The following CPED1 variants were observed in gnomAD, a reference collection of about 807,000 sequenced individuals.
CPED1 encodes cadherin-like and PC-esterase domain-containing protein 1.
CPED1 carries 114 observed loss-of-function variants against 128.2 expected under a neutral mutation model. The observed-to-expected ratio is 0.89, with a 90% confidence interval of 0.76 to 1.04. CPED1 has a LOEUF of 1.04. CPED1 is among the 50% of genes least tolerant of loss of function. CPED1 has a pLI of 0.00. For synonymous variants in CPED1, 462 were observed against 426.7 expected (o/e 1.08, Z -1.02); for missense variants, 1,211 against 1,207.1 (o/e 1.00, Z -0.05).
At chr7:121,289,871 T>C (rs1423434362) in intron 22 of CPED1, among the ~76,000 whole-genome samples, 5 of 152,220 alleles carry the variant, frequency 3.3e-5, no homozygotes, top group Non-Finnish European at 5.9e-5. Context: ...GTTTGTTACA[T>C]AGGTATACAT....
intron 11 of CPED1, 83 bp from the exon 12 acceptor site, chr7:121,130,042 A>G: frequency 9.1e-7 from 1 of 1,097,974 alleles, no homozygotes; most frequent in Non-Finnish European, 1.3e-6. Flanking sequence ...TTTTTAAATA[A>G]ATGACTAAGT....
In CPED1 at chr7:121,173,563, G is replaced by A. The variant is rs141032745; in HGVS notation, c.2055+31422G>A. Among the ~76,000 whole-genome samples, 20 of 152,150 alleles carry A rather than the reference G, an allele frequency of 1.3e-4. No individual in the cohort carries two copies. In the East Asian group the frequency reaches 3.9e-3, roughly 29 times the overall value. ...CCATGCATGTTCCTACAAAAGATATGATCTCATTCTTTTTATGGCTGAATA... is the reference window on the plus strand; with the variant it reads ...CCATGCATGTTCCTACAAAAGATATAATCTCATTCTTTTTATGGCTGAATA... On this transcript the variant is annotated intron_variant, in intron 16 of 22. Coordinates refer to ENST00000310396, the MANE Select transcript of CPED1 (RefSeq NM_024913.5).
intron 16 of CPED1, among the ~76,000 whole-genome samples, chr7:121,209,782 A>T (rs1484992415): frequency 6.6e-6 from 1 of 152,056 alleles, no homozygotes; most frequent in African/African-American, 2.4e-5. Context: ...AAGCTTCTGC[A>T]CAACAAAGGA....
chr7:121,171,562 G>A (rs374540655), intron 16 of CPED1, among the ~76,000 whole-genome samples: 3 of 152,178 alleles, frequency 2.0e-5, no homozygotes, highest in East Asian at 3.9e-4. Flanking sequence ...CATCTCCTGA[G>A]CCTGTTCCCC....
intron 18 of CPED1, among the ~76,000 whole-genome samples, chr7:121,251,218 A>T (rs1035444779): frequency 6.6e-6 from 1 of 152,224 alleles, no homozygotes; most frequent in Admixed American, 6.5e-5. Flanking sequence ...CAAAAACCAC[A>T]TGATTATCTC....
chr7:121,038,100 T>G (rs1387681822), intron 3 of CPED1, among the ~76,000 whole-genome samples: 2 of 152,186 alleles, frequency 1.3e-5, no homozygotes, highest in Non-Finnish European at 2.9e-5. Flanking sequence ...CAGTTTGACT[T>G]CCTCTTTGCC....
chr7:121,010,341 T>A (rs781607388), intron 2 of CPED1, among the ~76,000 whole-genome samples: 2 of 152,116 alleles, frequency 1.3e-5, no homozygotes, highest in Non-Finnish European at 2.9e-5. Context: ...ACCCTCCACA[T>A]CCTGGGTTCA....
intron 3 of CPED1, among the ~76,000 whole-genome samples, chr7:121,022,344 A>G (rs1792464936): frequency 6.6e-6 from 1 of 152,020 alleles, no homozygotes; most frequent in Admixed American, 6.6e-5. Flanking sequence ...AACCATAAAT[A>G]TAGTATTACA....
chr7:121,205,959 A>T (rs368173384), intron 16 of CPED1, among the ~76,000 whole-genome samples: 1 of 152,082 alleles, frequency 6.6e-6, no homozygotes, highest in East Asian at 1.9e-4. Context: ...AGTTCATTCC[A>T]TGGACAGGGA....
intron 7 of CPED1, among the ~76,000 whole-genome samples, chr7:121,118,837 G>A (rs897038622): frequency 6.6e-6 from 1 of 152,002 alleles, no homozygotes; most frequent in South Asian, 2.1e-4. Flanking sequence ...GGATGGCCGG[G>A]AGGCATCGCA....
At chr7:121,260,319 A>G (rs1274208821) in intron 18 of CPED1, among the ~76,000 whole-genome samples, 1 of 145,594 alleles carries the variant, frequency 6.9e-6, no homozygotes, top group Non-Finnish European at 1.5e-5. Flanking sequence ...GCAAACATCA[A>G]TTTGGCTGCT....
At chr7:121,100,823 AT>A (rs1456209700) in intron 7 of CPED1, among the ~76,000 whole-genome samples, 2 of 152,212 alleles carry the variant, frequency 1.3e-5, no homozygotes, top group East Asian at 1.9e-4. Flanking sequence ...ACTGAACTTG[AT>A]TTTTTTCAGA....
chr7:121,093,418 A>ACACACACG (rs1439470652), intron 5 of CPED1, among the ~76,000 whole-genome samples: 2 of 151,282 alleles, frequency 1.3e-5, no homozygotes, highest in Non-Finnish European at 2.9e-5. Flanking sequence ...ACACACACAC[A>ACACACACG]CACACACACA....
chr7:121,098,228 T>C (rs1186395547), intron 6 of CPED1, among the ~76,000 whole-genome samples: 1 of 152,120 alleles, frequency 6.6e-6, no homozygotes, highest in African/African-American at 2.4e-5. Flanking sequence ...TAAGAAAGCA[T>C]CTGCTGTGTA....
At position 121,097,775 on chromosome 7, in the gene CPED1, T is replaced by C. The variant is rs768207804; in HGVS notation, c.693T>C (p.Leu231=). The C allele has an allele frequency of 1.2e-6, 2 of 1,613,828 alleles. No individual in the cohort carries two copies. Among genetic ancestry groups the C allele is most frequent in the Non-Finnish European group, 1.7e-6 (2 of 1,179,802 alleles). Residue 231 remains leucine, a synonymous_variant, in exon 6 of 23, where the codon CTT becomes CTC. Transcript: ENST00000310396. The stretch of plus-strand genomic sequence containing the variant: ...TAAAGCCGAGTACTTCGAGTCACCT[T>C]TTAAAAACAGTGAAGCCACGTGTGT... ...MQLKPSTSSH[L]LKTVKPRVWK...
chr7:121,063,524 A>G (rs1273669807), intron 4 of CPED1, among the ~76,000 whole-genome samples: 2 of 152,068 alleles, frequency 1.3e-5, no homozygotes, highest in Non-Finnish European at 2.9e-5. Context: ...TAGTGCTGCA[A>G]TACTTTATTA....
At chr7:121,288,130 C>T (rs536608560) in intron 22 of CPED1, among the ~76,000 whole-genome samples, 1 of 152,182 alleles carries the variant, frequency 6.6e-6, no homozygotes, top group African/African-American at 2.4e-5. Flanking sequence ...GCATATAATA[C>T]TACCAGATGT....
intron 4 of CPED1, chr7:121,050,301 A>G (rs1793312582): frequency 1.3e-5 from 2 of 152,634 alleles, no homozygotes; most frequent in South Asian, 2.1e-4. Flanking sequence ...TTCTCTCGCT[A>G]TATACTCATA....
chr7:121,196,041 G>T (rs6466772), intron 16 of CPED1, among the ~76,000 whole-genome samples: 149,646 of 152,108 alleles, frequency 0.98, 73,655 homozygotes, highest in Middle Eastern at 1. Context: ...GCTGCTTGAG[G>T]AGGCCAAAGA....
Sources: allele counts gnomAD v4.1 joint callset (sites outside exome capture counted in the v4.1 genomes callset), GRCh38; gene constraint gnomAD v4.1.1; transcripts MANE v1.5; gene names NCBI Gene and HGNC (gene_info 2026-07-23, HGNC 2026-07-21).